The following OTUD5 variants were observed in gnomAD, a reference collection of about 807,000 sequenced individuals.
OTUD5 encodes the protein OTU domain-containing protein 5.
OTUD5 carries 2 observed loss-of-function variants against 36.3 expected under a neutral mutation model. The observed-to-expected ratio is 0.06, with a 90% CI of 0.02 to 0.17. The LOEUF (loss-of-function observed/expected upper bound fraction) is 0.17. OTUD5 is among the 10% of genes least tolerant of loss of function. OTUD5 has a pLI of 1.00. For synonymous variants in OTUD5, 234 were observed against 214.9 expected (o/e 1.09, Z -0.78); for missense variants, 233 against 512.3 (o/e 0.45, Z 5.26).
intron 6 of OTUD5, among the ~76,000 whole-genome samples, chrX:48,924,654 G>A (rs1005440719): frequency 9.0e-6 from 1 of 111,596 alleles, no homozygotes; most frequent in South Asian, 3.7e-4. Context: ...TGTACCAGGT[G>A]TGTGGGCCTG....
Position 48,934,706 on chromosome X carries a change from A to G in OTUD5, c.910+5T>C. ...CTTTCCCTCACCTACCCACTGCAGA[A>G]GTACCTGTGCTGTACTGGTACACCT... On this transcript the variant is annotated splice_donor_5th_base_variant and intron_variant, in intron 4 of 8. Coordinates refer to ENST00000376488, the MANE Select transcript of OTUD5 (RefSeq NM_001136157.2). The G allele has an allele frequency of 8.3e-7, 1 of 1,206,814 alleles. No individual in the cohort carries two copies.
intron 4 of OTUD5, 29 bp downstream of exon 4, chrX:48,934,682 T>G: frequency 8.3e-7 from 1 of 1,206,347 alleles, no homozygotes; most frequent in East Asian, 3.0e-5. Flanking sequence ...AGGCACCATC[T>G]TTCCCTCACC....
At position 48,957,251 on chromosome X, in the gene OTUD5, C is replaced by A. The variant is rs2147702955; in HGVS notation, c.320G>T (p.Gly107Val). 9.1e-7 allele frequency: 1 copy of A among 1,099,245 alleles called. No homozygotes were observed. The highest frequency in any genetic ancestry group is 1.2e-6 in the Non-Finnish European group (1 of 849,719). 90.6% of individuals were successfully genotyped at this position (1,099,245 alleles called of 1,213,427 possible). A position where few individuals can be genotyped will look rare whatever the true frequency, so the allele number is the denominator to read the frequency against. The change falls in exon 1 of 9, where the codon GGT (glycine) becomes GTT (valine). Residue 107 changes from glycine (G) to valine (V), a missense_variant. Coordinates refer to ENST00000376488, the MANE Select transcript of OTUD5 (RefSeq NM_001136157.2). ...QASPPPCGGP[G>V]GPGGGPGDAL... ...GTCGCCGGGACCGCCGCCGGGACCA[C>A]CTGGGCCCCCGCAAGGAGGTGGAGA...
chrX:48,944,228 T>C lies in OTUD5; in HGVS notation c.650A>G (p.Gln217Arg), dbSNP rs782352138. The change falls in exon 2 of 9, where the codon CAG becomes CGG. Residue 217 changes from glutamine (Q) to arginine (R), a missense_variant. By Grantham distance (43) the Gln-to-Arg change is conservative. Coordinates refer to ENST00000376488, the MANE Select transcript of OTUD5 (RefSeq NM_001136157.2). ...LRDKKGFIIK[Q>R]MKEDGACLFR... is the part of the protein sequence containing the mutation. ...GAGACAGGCGCCATCCTCCTTCATC[T>C]GCTTGATGATGAAGCCCTTCTTGTC... 1.6e-5 allele frequency: 19 copies of C among 1,203,895 alleles called. No individual in the cohort carries two copies. Among genetic ancestry groups the C allele is most frequent in the Admixed American group, 2.2e-5 (1 of 45,347 alleles).
intron 1 of OTUD5, among the ~76,000 whole-genome samples, chrX:48,952,060 AAAAAACAAAAAC>A (rs200180396): frequency 2.7e-5 from 3 of 111,723 alleles, no homozygotes; most frequent in South Asian, 3.7e-4. Context: ...CACCTTAAAA[AAAAAACAAAAAC>A]AAAAACAAAA....
At position 48,957,432 on chromosome X, in the gene OTUD5, C is replaced by T. The variant is rs781938462; in HGVS notation, c.139G>A (p.Gly47Ser). 385 of 1,022,057 alleles carry T rather than the reference C, an allele frequency of 3.8e-4. 6 individuals are homozygous for T. The South Asian group carries it at 9.6e-3, about 25-fold the overall frequency. The allele number at this position is 1,022,057 out of a possible 1,213,427, so 84.2% of individuals were successfully genotyped here. The change falls in exon 1 of 9, where the codon GGC (glycine) becomes AGC (serine). Residue 47 changes from glycine (G) to serine (S), a missense_variant. Gly to Ser is a moderately conservative substitution (Grantham distance 56). This residue lies in a region of OTUD5 where 155 missense variants were observed against 217.2 expected (regional missense o/e 0.71). Transcript: ENST00000376488. The stretch of plus-strand genomic sequence containing the variant: ...CCGGAGTCACGGTCGCGATCGCCGC[C>T]GCCCACGCCCGTGCCGCCGCCGCCC... ...GVGGGGTGVG[G>S]GDRDRDSGVV...
intron 5 of OTUD5, among the ~76,000 whole-genome samples, chrX:48,929,166 T>A (rs1211763972): frequency 9.1e-6 from 1 of 109,911 alleles, no homozygotes; most frequent in Non-Finnish European, 1.9e-5. Flanking sequence ...GGTGGGTGGA[T>A]CTCCTGAGGT....
At chrX:48,956,931 G>A in intron 1 of OTUD5, 46 bp downstream of exon 1, 1 of 1,084,498 alleles carries the variant, frequency 9.2e-7, no homozygotes, top group Non-Finnish European at 1.2e-6. Context: ...ACAGTCTGGG[G>A]GTCCCATCTG....
At chrX:48,956,592 G>A (rs1557055338) in intron 1 of OTUD5, among the ~76,000 whole-genome samples, 1 of 111,286 alleles carries the variant, frequency 9.0e-6, no homozygotes, top group African/African-American at 3.3e-5. Context: ...GAGGAAAAGA[G>A]CTCTTAAGCC....
chrX:48,938,414 C>T (rs2063864124), intron 2 of OTUD5, among the ~76,000 whole-genome samples: 1 of 111,812 alleles, frequency 8.9e-6, no homozygotes, highest in South Asian at 3.7e-4. Flanking sequence ...CATTTTTGGC[C>T]AGGTGTGGTG....
At chrX:48,949,631 T>C (rs2064096854) in intron 1 of OTUD5, among the ~76,000 whole-genome samples, 1 of 109,794 alleles carries the variant, frequency 9.1e-6, no homozygotes, top group Admixed American at 9.7e-5. Flanking sequence ...TGAGCCGAGA[T>C]AGCACCACTG....
intron 5 of OTUD5, among the ~76,000 whole-genome samples, chrX:48,926,809 G>A (rs898053571): frequency 9.0e-6 from 1 of 111,332 alleles, no homozygotes; most frequent in Non-Finnish European, 1.9e-5. Context: ...GGGAAGTAGT[G>A]GGTGTGTGAG....
chrX:48,957,725 AGGAGGCGGCGGCGGCGGCGGC>A (rs1466244640), upstream of OTUD5: 8 of 373,029 alleles, frequency 2.1e-5, no homozygotes, highest in Non-Finnish European at 1.0e-5. Flanking sequence ...TCGGCGGCGG[AGGAGGCGGCGGCGGCGGCGGC>A]GGCGGTGGCG....
chrX:48,953,852 G>C (rs1368094887), intron 1 of OTUD5, among the ~76,000 whole-genome samples: 4 of 110,883 alleles, frequency 3.6e-5, no homozygotes, highest in African/African-American at 1.3e-4. Flanking sequence ...CAGAACCCCA[G>C]AATCGCCATC....
chrX:48,927,264 G>A (rs1557047915), intron 5 of OTUD5, among the ~76,000 whole-genome samples: 1 of 111,172 alleles, frequency 9.0e-6, no homozygotes, highest in African/African-American at 3.3e-5. Context: ...CTGTGACCAA[G>A]TGTGCGGGCT....
At chrX:48,935,069 G>A in intron 2 of OTUD5, 51 bp from the exon 3 acceptor site, 1 of 1,066,508 alleles carries the variant, frequency 9.4e-7, no homozygotes, top group Non-Finnish European at 1.3e-6. Context: ...CCAGAGAAGA[G>A]CTCTGAATCA....
intron 6 of OTUD5, among the ~76,000 whole-genome samples, chrX:48,925,004 T>C (rs1156782993): frequency 3.6e-5 from 4 of 110,528 alleles, no homozygotes; most frequent in Non-Finnish European, 5.7e-5. Context: ...TTCAGCCGGG[T>C]GCGGTGGCTC....
chrX:48,935,191 T>C (rs782517261), intron 2 of OTUD5, among the ~76,000 whole-genome samples, 173 bp from the exon 3 acceptor site: 10 of 112,080 alleles, frequency 8.9e-5, no homozygotes, highest in South Asian at 3.7e-4. Context: ...TGGAAAAATA[T>C]GGCAGGCAGG....
At chrX:48,949,243 T>C (rs2064087814) in intron 1 of OTUD5, among the ~76,000 whole-genome samples, 1 of 112,085 alleles carries the variant, frequency 8.9e-6, no homozygotes, top group African/African-American at 3.2e-5. Flanking sequence ...CTTGTAAATG[T>C]TACCTTATAA....
Sources: gnomAD v4.1 joint callset for allele counts (sites outside exome capture counted in the v4.1 genomes callset) on GRCh38, gnomAD v4.1.1 for gene constraint, gnomAD v4.1.1 regional missense constraint, MANE v1.5 for transcripts, NCBI Gene and HGNC (gene_info 2026-07-23, HGNC 2026-07-21) for gene names.